MEGF6: variants seen among roughly 807,000 people sequenced by gnomAD.
MEGF6 encodes the protein multiple epidermal growth factor-like domains protein 6.
MEGF6 carries 184 observed loss-of-function variants against 207.1 expected under a neutral mutation model. The observed-to-expected ratio is 0.89, with a 90% CI of 0.79 to 1.00. The LOEUF (loss-of-function observed/expected upper bound fraction) is 1.00, where lower values mean the gene tolerates loss of function less well. Among genes scored for constraint, MEGF6 ranks in the 50% least tolerant of loss-of-function variants. MEGF6 has a pLI of 0.00. For missense variants in MEGF6, 2,282 were observed against 2,202.9 expected, an observed-to-expected ratio of 1.04 and a Z score of -0.72; for synonymous variants, 1,038 against 910.0, an observed-to-expected ratio of 1.14 and a Z score of -2.53.
At chr1:3,593,829 ACC>A (rs1232886896) in intron 3 of MEGF6, among the ~76,000 whole-genome samples, 1 of 150,816 alleles carries the variant, frequency 6.6e-6, no homozygotes, top group Non-Finnish European at 1.5e-5. Flanking sequence ...GCTGGCCAGC[ACC>A]CCCCTCCCTG....
In MEGF6 at chr1:3,511,589, G is replaced by C. The variant is rs375741264; in HGVS notation, c.1075C>G (p.Arg359Gly). 4.3e-6 allele frequency: 7 copies of C among 1,611,838 alleles called. No homozygotes were observed. Among genetic ancestry groups the C allele is most frequent in the Non-Finnish European group, 5.9e-6 (7 of 1,179,240 alleles). The change falls in exon 9 of 37, where the codon CGC (arginine) becomes GGC (glycine). Residue 359 changes from arginine (R) to glycine (G), a missense_variant. Arg to Gly is a moderately radical substitution (Grantham distance 125, BLOSUM62 -2). Transcript: ENST00000356575. Reference protein sequence around the residue: ...TSAGPLCTCPRGYELDTDQRT... With the variant: ...TSAGPLCTCPGGYELDTDQRT... ...TGATCTGTGTCCAGCTCGTAGCCGC[G>C]GGGACATGTGCACAGGGGCCCAGCA... is the stretch of plus-strand genomic sequence containing the variant.
At chr1:3,502,442 G>A (rs1366476270) in intron 17 of MEGF6, among the ~76,000 whole-genome samples, 1 of 152,186 alleles carries the variant, frequency 6.6e-6, no homozygotes, top group African/African-American at 2.4e-5. Context: ...ACCCAGCTGG[G>A]AGCCCCTCCA....
At chr1:3,567,715 G>A (rs1251748449) in intron 4 of MEGF6, among the ~76,000 whole-genome samples, 5 of 152,232 alleles carry the variant, frequency 3.3e-5, no homozygotes, top group African/African-American at 1.2e-4. Flanking sequence ...GGCCGGGGTT[G>A]TCCAGCCAGG....
At chr1:3,617,679 T>A in the MEGF6 span, among the ~76,000 whole-genome samples, 1 of 152,000 alleles carries the variant, frequency 6.6e-6, no homozygotes, top group African/African-American at 2.4e-5. Context: ...GAAAAAAAGG[T>A]GTTTGCAGAT....
intron 34 of MEGF6, chr1:3,493,498 C>G (rs896134208): frequency 9.4e-6 from 5 of 530,420 alleles, no homozygotes; most frequent in African/African-American, 3.9e-5. Context: ...TTCCACCCAA[C>G]CAGAGCCCCC....
At chr1:3,490,709 T>TGGGTGGGGCCCACCCATCCTTCCC in intron 36 of MEGF6, 120 bp from the exon 37 acceptor site, 2 of 1,025,780 alleles carry the variant, frequency 1.9e-6, no homozygotes, top group Admixed American at 4.9e-5. Context: ...GCCCAGCAGG[T>TGGGTGGGGCCCACCCATCCTTCCC]GGGTGGGGCC....
chr1:3,514,676 C>A lies in MEGF6; in HGVS notation c.731-4G>T. The A allele has an allele frequency of 6.4e-7, 1 of 1,571,470 alleles. No homozygotes were observed. Among genetic ancestry groups the A allele is most frequent in the Non-Finnish European group, 8.6e-7 (1 of 1,160,698 alleles). On this transcript the variant is annotated splice_region_variant and splice_polypyrimidine_tract_variant and intron_variant, in intron 6 of 36. Coordinates refer to ENST00000356575, the MANE Select transcript of MEGF6 (RefSeq NM_001409.4). ...CTGTTGGCACACGGGCTTCTACCTG[C>A]AGCCACGGGCCCGAGGAGGGGGTTG...
upstream of MEGF6, among the ~76,000 whole-genome samples, chr1:3,614,836 A>T (rs1644364848): frequency 6.6e-6 from 1 of 152,268 alleles, no homozygotes; most frequent in Non-Finnish European, 1.5e-5. Flanking sequence ...ACCAGCAGCC[A>T]GCCCAGCTCC....
At chr1:3,554,297 CGA>C (rs1428580250) in intron 4 of MEGF6, among the ~76,000 whole-genome samples, 1 of 152,136 alleles carries the variant, frequency 6.6e-6, no homozygotes, top group Admixed American at 6.5e-5. Flanking sequence ...CAGGCGGCTC[CGA>C]GAGAGTGTCG....
chr1:3,498,474 A>C lies in MEGF6; in HGVS notation c.3249T>G (p.Ala1083=), dbSNP rs1278569129. ...GGCAACCGCCGCTGTGCCGGCAGCC[A>C]GCTCTGACGTCCCGGGGGAGGCACT... ...EKECLPRDVR[A]GCRHSGGCLN... is the part of the protein sequence containing the mutation. Residue 1083 remains alanine (A), a synonymous_variant, in exon 26 of 37, where the codon GCT becomes GCG. Transcript: ENST00000356575. The C allele has an allele frequency of 6.3e-7, 1 of 1,582,542 alleles. No homozygotes were observed. The highest frequency in any genetic ancestry group is 1.1e-5 in the South Asian group (1 of 87,894).
At chr1:3,580,614 C>T (rs910839562) in intron 3 of MEGF6, among the ~76,000 whole-genome samples, 1 of 152,134 alleles carries the variant, frequency 6.6e-6, no homozygotes, top group Non-Finnish European at 1.5e-5. Flanking sequence ...GACAGACCCA[C>T]ACTGCCTCAC....
chr1:3,540,534 G>A (rs142560363), intron 4 of MEGF6, among the ~76,000 whole-genome samples: 4 of 152,342 alleles, frequency 2.6e-5, no homozygotes, highest in Middle Eastern at 3.4e-3. Context: ...CTTTCCCTGC[G>A]AGGGCAGCCT....
At chr1:3,531,371 C>G in intron 4 of MEGF6, 1 of 1,181,556 alleles carries the variant, frequency 8.5e-7, no homozygotes. Context: ...CAATCCCAGC[C>G]CCGGGATCCG....
chr1:3,579,396 C>T lies in MEGF6; in HGVS notation c.481+429G>A, dbSNP rs1039584909. 5.3e-5 allele frequency among the ~76,000 whole-genome samples: 8 copies of T among 152,198 alleles called. No homozygotes were observed. In the South Asian group the frequency reaches 1.4e-3, roughly 28 times the overall value. On this transcript the variant is annotated intron_variant, in intron 4 of 36. Coordinates refer to ENST00000356575, the MANE Select transcript of MEGF6 (RefSeq NM_001409.4). ...GGGAGTCCCATTTACAGCTGTGCTG[C>T]GGTTACTCAACCAGTCGCCTTGGCT...
intron 3 of MEGF6, among the ~76,000 whole-genome samples, chr1:3,587,640 G>T (rs1397470570): frequency 6.6e-6 from 1 of 152,224 alleles, no homozygotes; most frequent in Non-Finnish European, 1.5e-5. Context: ...CAGCCTCTGT[G>T]ATAGAAATAG....
intron 5 of MEGF6, among the ~76,000 whole-genome samples, chr1:3,519,807 G>A (rs1179116060): frequency 6.6e-6 from 1 of 152,246 alleles, no homozygotes. Context: ...AGGGGAGGGG[G>A]TCTATGCAGC....
chr1:3,492,334 C>T (rs999697738), intron 35 of MEGF6, among the ~76,000 whole-genome samples: 3 of 152,156 alleles, frequency 2.0e-5, no homozygotes, highest in Non-Finnish European at 4.4e-5. Flanking sequence ...TCTTCAGGCC[C>T]CCGGTGCAGT....
At chr1:3,584,901 G>T (rs1197444075) in intron 3 of MEGF6, among the ~76,000 whole-genome samples, 3 of 152,268 alleles carry the variant, frequency 2.0e-5, no homozygotes, top group Non-Finnish European at 4.4e-5. Flanking sequence ...GGACTCTAAG[G>T]CGTCACGGGG....
intron 1 of MEGF6, among the ~76,000 whole-genome samples, chr1:3,610,229 G>A (rs1237015073): frequency 6.6e-6 from 1 of 152,204 alleles, no homozygotes; most frequent in African/African-American, 2.4e-5. Context: ...TCACCAGCTC[G>A]ACGTGGCAGC....
Sources: gnomAD v4.1 joint callset for allele counts (sites outside exome capture counted in the v4.1 genomes callset) on GRCh38, gnomAD v4.1.1 for gene constraint, MANE v1.5 for transcripts, NCBI Gene and HGNC (gene_info 2026-07-23, HGNC 2026-07-21) for gene names.